The following PROM1 variants were observed in gnomAD, a reference collection of about 807,000 sequenced individuals.
PROM1 encodes prominin-1.
PROM1 carries 105 observed loss-of-function variants against 116.9 expected under a neutral mutation model. The ratio of observed to expected loss-of-function variants is 0.90; its 90% CI spans 0.77 to 1.06. The LOEUF is 1.06. Ranked by LOEUF, PROM1 falls within the 50% of genes least tolerant of loss-of-function variation. The pLI is 0.00. For missense variants in PROM1, 1,122 were observed against 1,045.2 expected, an observed-to-expected ratio of 1.07 and a Z score of -1.01; for synonymous variants, 393 against 387.0, an observed-to-expected ratio of 1.02 and a Z score of -0.18.
intron 19 of PROM1, 124 bp downstream of exon 19, chr4:15,989,608 G>T: frequency 1.2e-6 from 1 of 814,030 alleles, no homozygotes; most frequent in Non-Finnish European, 2.1e-6. Context: ...AACTTCTGGG[G>T]CTGAAGCCAG....
intron 13 of PROM1, among the ~76,000 whole-genome samples, chr4:16,001,223 G>T (rs1039158541): frequency 6.6e-6 from 1 of 152,176 alleles, no homozygotes; most frequent in Non-Finnish European, 1.5e-5. Flanking sequence ...AACACGAGAG[G>T]TAGAGGCAAG....
At chr4:16,021,028 C>T (rs572203979) in intron 8 of PROM1, among the ~76,000 whole-genome samples, 1 of 148,910 alleles carries the variant, frequency 6.7e-6, no homozygotes, top group South Asian at 2.1e-4. Flanking sequence ...GATTTGCACA[C>T]CAAAATAATT....
Position 15,984,293 on chromosome 4 carries a change from G to A in PROM1, c.2343C>T (p.Val781=), listed in dbSNP as rs748023941. Residue 781 remains valine (V), a synonymous_variant, in exon 23 of 28, where the codon GTC becomes GTT. Coordinates refer to ENST00000447510, the MANE Select transcript of PROM1 (RefSeq NM_006017.3). ...VATALDTAVD[V]FLCSYIIDPL... ...GGTCGATAATGTAGCTACACAGAAA[G>A]ACATCAACAGCAGTATCTAGAGCGG... is the stretch of plus-strand genomic sequence containing the variant. The A allele has an allele frequency of 6.2e-7, 1 of 1,608,180 alleles. No individual in the cohort carries two copies. The highest frequency in any genetic ancestry group is 8.5e-7 in the Non-Finnish European group (1 of 1,176,512).
chr4:16,003,118 C>T (rs961474954), intron 13 of PROM1: 3 of 354,478 alleles, frequency 8.5e-6, no homozygotes, highest in Non-Finnish European at 1.7e-5. Flanking sequence ...ATTTTCTGAC[C>T]CCCTTTCAAA....
chr4:16,059,490 G>A (rs550414052), intron 2 of PROM1, among the ~76,000 whole-genome samples: 1 of 152,306 alleles, frequency 6.6e-6, no homozygotes, highest in South Asian at 2.1e-4. Context: ...GATGGCTTGA[G>A]CCCAGGAGTT....
chr4:15,996,104 G>T (rs935435363), intron 15 of PROM1, among the ~76,000 whole-genome samples: 4 of 152,210 alleles, frequency 2.6e-5, no homozygotes, highest in Non-Finnish European at 5.9e-5. Flanking sequence ...TTACACAACC[G>T]AGGTGTTTCC....
chr4:16,049,329 T>A (rs1469764972), intron 2 of PROM1, among the ~76,000 whole-genome samples: 1 of 152,182 alleles, frequency 6.6e-6, no homozygotes, highest in African/African-American at 2.4e-5. Flanking sequence ...CCTGTTCTGT[T>A]CTACATGGAA....
At chr4:16,020,675 A>C (rs548188905) in intron 8 of PROM1, among the ~76,000 whole-genome samples, 159 of 152,288 alleles carry the variant, frequency 1.0e-3, no homozygotes, top group Middle Eastern at 6.8e-3. Context: ...ACCACCACCA[A>C]CAACAACAGA....
intron 2 of PROM1, among the ~76,000 whole-genome samples, chr4:16,070,781 G>A (rs1263826708): frequency 6.6e-6 from 1 of 152,134 alleles, no homozygotes; most frequent in Non-Finnish European, 1.5e-5. Context: ...GGCTTGCCAA[G>A]GGAACACGGC....
At chr4:15,999,288 G>T (rs1320752395) in intron 14 of PROM1, among the ~76,000 whole-genome samples, 1 of 151,910 alleles carries the variant, frequency 6.6e-6, no homozygotes, top group African/African-American at 2.4e-5. Context: ...TGGCTAACGT[G>T]GTGAAACCCC....
chr4:16,029,627 T>A (rs1732186904), intron 5 of PROM1, among the ~76,000 whole-genome samples: 1 of 152,174 alleles, frequency 6.6e-6, no homozygotes, highest in Non-Finnish European at 1.5e-5. Context: ...TGCTAGGGCA[T>A]CTTTCTCCTT....
intron 2 of PROM1, among the ~76,000 whole-genome samples, chr4:16,041,971 G>C (rs1052862847): frequency 1.1e-4 from 17 of 151,930 alleles, no homozygotes; most frequent in Admixed American, 3.3e-4. Flanking sequence ...ACCATGCACA[G>C]ATAACTTTTT....
chr4:16,065,278 C>G (rs1416848660), intron 2 of PROM1, among the ~76,000 whole-genome samples: 1 of 152,202 alleles, frequency 6.6e-6, no homozygotes, highest in Non-Finnish European at 1.5e-5. Context: ...AGCCTCACTG[C>G]TCCCCAGGCC....
chr4:16,007,894 T>C (rs1015222179), intron 12 of PROM1, among the ~76,000 whole-genome samples: 4 of 152,180 alleles, frequency 2.6e-5, no homozygotes, highest in African/African-American at 9.6e-5. Context: ...TGTGGGGCGA[T>C]GACAAAAAGC....
At chr4:16,013,801 C>T (rs758534633) in intron 10 of PROM1, among the ~76,000 whole-genome samples, 1 of 152,132 alleles carries the variant, frequency 6.6e-6, no homozygotes, top group African/African-American at 2.4e-5. Flanking sequence ...AGAGCCCCCG[C>T]CGCTAACAGC....
intron 2 of PROM1, among the ~76,000 whole-genome samples, chr4:16,071,355 C>A (rs1742758395): frequency 6.6e-6 from 1 of 152,214 alleles, no homozygotes; most frequent in Non-Finnish European, 1.5e-5. Context: ...CCCTGGAGAT[C>A]AAGGTCCTCC....
At chr4:16,008,907 A>AAGTTCACTCTCGT (rs1726172527) in intron 12 of PROM1, 42 bp downstream of exon 12, 1 of 1,504,608 alleles carries the variant, frequency 6.6e-7, no homozygotes, top group Admixed American at 1.9e-5. Flanking sequence ...GTTCTCTACA[A>AAGTTCACTCTCGT]AGTTCACTCT....
At chr4:16,021,880 G>A (rs75653166) in intron 8 of PROM1, among the ~76,000 whole-genome samples, 2,967 of 152,220 alleles carry the variant, frequency 0.019, 55 homozygotes, top group East Asian at 0.075. Context: ...CCCCAGATTC[G>A]TATGTTGAAG....
chr4:16,006,729 G>A, intron 12 of PROM1, 39 bp from the exon 13 acceptor site: 1 of 1,599,220 alleles, frequency 6.3e-7, no homozygotes, highest in Non-Finnish European at 8.5e-7. Context: ...CATGACACAG[G>A]TGACGCCACC....
Sources: allele counts gnomAD v4.1 joint callset (sites outside exome capture counted in the v4.1 genomes callset), GRCh38; gene constraint gnomAD v4.1.1; transcripts MANE v1.5; gene names NCBI Gene and HGNC (gene_info 2026-07-23, HGNC 2026-07-21).